The following KIAA1549L variants were observed in gnomAD, a reference collection of about 807,000 sequenced individuals.
KIAA1549L encodes the protein UPF0606 protein KIAA1549L.
In KIAA1549L, 88 loss-of-function variants were observed where a neutral mutation model predicts 160.7. The observed-to-expected ratio is 0.55, with a 90% CI of 0.46 to 0.65. The LOEUF (loss-of-function observed/expected upper bound fraction) is 0.65, where lower values mean the gene tolerates loss of function less well. Among genes scored for constraint, KIAA1549L ranks in the 30% least tolerant of loss-of-function variants. KIAA1549L has a pLI of 0.00. For synonymous variants in KIAA1549L, 950 were observed against 976.7 expected (o/e 0.97, Z 0.51); for missense variants, 2,258 against 2,437.5 (o/e 0.93, Z 1.55).
chr11:33,561,888 G>A (rs916939617), intron 8 of KIAA1549L, among the ~76,000 whole-genome samples, 153 bp downstream of exon 8: 1 of 152,154 alleles, frequency 6.6e-6, no homozygotes. Flanking sequence ...AGTGAATGGG[G>A]TAAGCTGAGA....
chr11:33,637,501 C>T (rs1208363180), intron 16 of KIAA1549L, among the ~76,000 whole-genome samples: 2 of 152,226 alleles, frequency 1.3e-5, no homozygotes, highest in Non-Finnish European at 2.9e-5. Context: ...CATGTCCTGA[C>T]AATTAGGGCT....
At chr11:33,528,377 G>A (rs1425452646) in intron 1 of KIAA1549L, among the ~76,000 whole-genome samples, 2 of 152,186 alleles carry the variant, frequency 1.3e-5, no homozygotes, top group African/African-American at 4.8e-5. Context: ...CACTGTTGGT[G>A]GGAATGTAAA....
At chr11:33,554,663 C>T (rs891251524) in intron 6 of KIAA1549L, among the ~76,000 whole-genome samples, 2 of 152,208 alleles carry the variant, frequency 1.3e-5, no homozygotes, top group Non-Finnish European at 2.9e-5. Context: ...GATTAGCTCT[C>T]ATTGAACCTA....
chr11:33,598,929 G>A lies in KIAA1549L; in HGVS notation c.4861G>A (p.Glu1621Lys). ...VMAQQKVTKE[E>K]ARKRNVPASD... is the part of the protein sequence containing the mutation. The stretch of plus-strand genomic sequence containing the variant: ...GGCACAGCAGAAAGTGACAAAGGAG[G>A]AGGCAAGGAAGAGAAATGGTGAGAA... The change falls in exon 13 of 21, where the codon GAG becomes AAG. Residue 1621 changes from glutamate (E) to lysine (K), a missense_variant. By Grantham distance (56) the Glu-to-Lys change is moderately conservative. Coordinates refer to ENST00000658780, the MANE Select transcript of KIAA1549L (RefSeq NM_012194.3). 1.2e-6 allele frequency: 2 copies of A among 1,613,636 alleles called. No homozygotes were observed. Among genetic ancestry groups the A allele is most frequent in the Non-Finnish European group, 1.7e-6 (2 of 1,179,764 alleles).
At chr11:33,600,949 G>GCCCCC in intron 13 of KIAA1549L, among the ~76,000 whole-genome samples, 1 of 152,078 alleles carries the variant, frequency 6.6e-6, no homozygotes, top group South Asian at 2.1e-4. Context: ...TCCCCACTTA[G>GCCCCC]CTGGTGAAAT....
chr11:33,437,553 A>G (rs1025731588), intron 1 of KIAA1549L, among the ~76,000 whole-genome samples: 1 of 152,214 alleles, frequency 6.6e-6, no homozygotes, highest in African/African-American at 2.4e-5. Flanking sequence ...CATTTTTAAA[A>G]TGGGAATTAC....
intron 1 of KIAA1549L, among the ~76,000 whole-genome samples, chr11:33,452,708 G>A (rs1851746333): frequency 6.6e-6 from 1 of 152,190 alleles, no homozygotes; most frequent in African/African-American, 2.4e-5. Context: ...ACCTTCTAGT[G>A]ATTGGCTGTT....
chr11:33,453,533 T>TG (rs1488167806), intron 1 of KIAA1549L, among the ~76,000 whole-genome samples: 1 of 152,220 alleles, frequency 6.6e-6, no homozygotes, highest in African/African-American at 2.4e-5. Flanking sequence ...GAGATTTTCT[T>TG]GGAGTGCTGA....
rs759949497 is a variant in KIAA1549L, at chr11:33,609,833, G to T, written c.5146G>T (p.Asp1716Tyr). 6.2e-7 allele frequency: 1 copy of T among 1,613,882 alleles called. No homozygotes were observed. Among genetic ancestry groups the T allele is most frequent in the Admixed American group, 1.7e-5 (1 of 60,022 alleles). The change falls in exon 15 of 21, where the codon GAC becomes TAC. Residue 1716 changes from aspartate to tyrosine, a missense_variant. By Grantham distance (160) the Asp-to-Tyr change is radical. This residue lies in a region of KIAA1549L where 1,359 missense variants were observed against 1,546.6 expected (regional missense o/e 0.88). Transcript: ENST00000658780. The stretch of plus-strand genomic sequence containing the variant: ...CAAAGCCAAGAGGAAGGGATATTAC[G>T]ACTTCCCTGCAGTGGAGACGAGCAA... ...RLKAKRKGYYDFPAVETSKGL... is the reference protein window; with the variant it reads ...RLKAKRKGYYYFPAVETSKGL...
In KIAA1549L at chr11:33,551,174, G is replaced by A. The variant is rs556261231; in HGVS notation, c.3636G>A (p.Lys1212=). Residue 1212 remains lysine, a synonymous_variant, in exon 5 of 21, where the codon AAG becomes AAA. Transcript: ENST00000658780. ...YGVSNVTADL[K]QHTPHLQSVA... is the part of the protein sequence containing the mutation. ...TCAGCAACGTCACTGCAGACCTGAAGCAACACACCCCACACTTACAGTCTG... is the reference window on the plus strand; with the variant it reads ...TCAGCAACGTCACTGCAGACCTGAAACAACACACCCCACACTTACAGTCTG... 8.7e-6 allele frequency: 14 copies of A among 1,613,976 alleles called. No individual in the cohort carries two copies. The South Asian group carries it at 1.3e-4, about 15-fold the overall frequency.
intron 16 of KIAA1549L, among the ~76,000 whole-genome samples, chr11:33,630,045 C>T (rs1208662094): frequency 2.0e-5 from 3 of 152,060 alleles, no homozygotes; most frequent in South Asian, 2.1e-4. Flanking sequence ...AGTACTGGAC[C>T]GTGTGAGGTG....
intron 1 of KIAA1549L, among the ~76,000 whole-genome samples, chr11:33,419,872 A>G (rs1346422309): frequency 9.9e-6 from 1 of 100,768 alleles, no homozygotes; most frequent in South Asian, 3.7e-4. Flanking sequence ...ATACATACAT[A>G]CATACATACA....
chr11:33,577,331 A>C (rs1052405381), intron 10 of KIAA1549L, among the ~76,000 whole-genome samples: 1 of 152,194 alleles, frequency 6.6e-6, no homozygotes, highest in Non-Finnish European at 1.5e-5. Context: ...GAGGGGCTGT[A>C]TGGCATTCCA....
At chr11:33,658,187 A>T (rs1161996645) in intron 18 of KIAA1549L, among the ~76,000 whole-genome samples, 1 of 152,110 alleles carries the variant, frequency 6.6e-6, no homozygotes, top group Non-Finnish European at 1.5e-5. Flanking sequence ...TTGCCCGGGG[A>T]ACAAAAAAAA....
At chr11:33,527,886 C>G (rs532225146) in intron 1 of KIAA1549L, among the ~76,000 whole-genome samples, 75 of 152,190 alleles carry the variant, frequency 4.9e-4, no homozygotes, top group Non-Finnish European at 9.3e-4. Flanking sequence ...TGAATTGTAG[C>G]TCCTATAATT....
chr11:33,541,597 G>A (rs891498993), intron 1 of KIAA1549L, among the ~76,000 whole-genome samples: 4 of 152,154 alleles, frequency 2.6e-5, no homozygotes, highest in Admixed American at 1.3e-4. Context: ...ATCAGAAACT[G>A]CTTCCCACCA....
chr11:33,425,761 C>T (rs1407106433), intron 1 of KIAA1549L, among the ~76,000 whole-genome samples: 6 of 152,104 alleles, frequency 3.9e-5, no homozygotes, highest in Non-Finnish European at 8.8e-5. Flanking sequence ...CTACTTTAGC[C>T]AAATAAAGTA....
rs187325235 is a variant in KIAA1549L at position 33,467,528 on chromosome 11, G to A, written c.239-74274G>A. On this transcript the variant is annotated intron_variant, in intron 1 of 20. Transcript: ENST00000658780. Reference sequence around the variant, plus strand: ...CATAGGAGAAGGAGAGGTTGGTAAGGCCCTTGGTGAATGACTGGTTGCCAG... The same window carrying A: ...CATAGGAGAAGGAGAGGTTGGTAAGACCCTTGGTGAATGACTGGTTGCCAG... Among the ~76,000 whole-genome samples, 24 of 152,314 alleles carry A rather than the reference G, an allele frequency of 1.6e-4. 1 individual carries two copies. Among genetic ancestry groups the A allele is most frequent in the Non-Finnish European group, 2.5e-4 (17 of 68,030 alleles).
At chr11:33,666,179 T>A (rs868278417) in intron 20 of KIAA1549L, among the ~76,000 whole-genome samples, 1 of 151,894 alleles carries the variant, frequency 6.6e-6, no homozygotes, top group Non-Finnish European at 1.5e-5. Flanking sequence ...TCCTGCCTGC[T>A]CCATAGAGCA....
Sources: allele counts gnomAD v4.1 joint callset (sites outside exome capture counted in the v4.1 genomes callset), GRCh38; gene constraint gnomAD v4.1.1; regional missense constraint gnomAD v4.1.1; transcripts MANE v1.5; gene names NCBI Gene and HGNC (gene_info 2026-07-23, HGNC 2026-07-21).